Variants in TMTC2 observed in about 807,000 individuals in gnomAD.
The protein encoded by TMTC2 is transmembrane O-mannosyltransferase targeting cadherins 2.
In TMTC2, 43 loss-of-function variants were observed where a neutral mutation model predicts 82.4. That is an observed-to-expected ratio of 0.52 (90% CI 0.41 to 0.67). The LOEUF (loss-of-function observed/expected upper bound fraction) is 0.67. Among genes scored for constraint, TMTC2 ranks in the 30% least tolerant of loss-of-function variants. The pLI, the probability that TMTC2 is intolerant of heterozygous loss-of-function variation, is 0.00. For missense variants in TMTC2, 919 were observed against 1,012.4 expected (o/e 0.91, Z 1.25); for synonymous variants, 408 against 381.9 (o/e 1.07, Z -0.80).
At chr12:83,103,770 C>T (rs1039581178) in intron 11 of TMTC2, among the ~76,000 whole-genome samples, 1 of 152,216 alleles carries the variant, frequency 6.6e-6, no homozygotes, top group African/African-American at 2.4e-5. Flanking sequence ...AAAATCTTAA[C>T]TCATTCCAGC....
intron 1 of TMTC2, among the ~76,000 whole-genome samples, chr12:82,756,015 AAATAAGTTGAAGG>A (rs1264985422): frequency 3.3e-5 from 5 of 152,190 alleles, no homozygotes; most frequent in African/African-American, 1.2e-4. Flanking sequence ...GTACCTCATA[AAATAAGTTGAAGG>A]AACATTTCTT....
At chr12:82,731,064 C>T (rs1227512542) in intron 1 of TMTC2, among the ~76,000 whole-genome samples, 1 of 152,116 alleles carries the variant, frequency 6.6e-6, no homozygotes. Context: ...TTTGTAATTA[C>T]AGTTGGAGAA....
chr12:82,834,085 A>C (rs1278115255), intron 1 of TMTC2, among the ~76,000 whole-genome samples: 1 of 152,228 alleles, frequency 6.6e-6, no homozygotes, highest in Non-Finnish European at 1.5e-5. Context: ...TACTACTAGA[A>C]ATATAATTAG....
intron 11 of TMTC2, among the ~76,000 whole-genome samples, chr12:83,129,649 A>G (rs1885201662): frequency 1.3e-5 from 2 of 152,196 alleles, no homozygotes; most frequent in African/African-American, 2.4e-5. Flanking sequence ...GCTAGTAAAC[A>G]TGAAGCCAGT....
chr12:83,117,252 C>A (rs1209973881), intron 11 of TMTC2, among the ~76,000 whole-genome samples: 1 of 152,040 alleles, frequency 6.6e-6, no homozygotes, highest in Admixed American at 6.6e-5. Flanking sequence ...AAGAGGGAAC[C>A]CTCCCTAATT....
chr12:82,917,687 C>T (rs545952482), intron 3 of TMTC2, among the ~76,000 whole-genome samples: 5 of 148,832 alleles, frequency 3.4e-5, no homozygotes, highest in South Asian at 2.2e-4. Flanking sequence ...CTGCAAGCTC[C>T]GCCTCCAGGG....
intron 3 of TMTC2, among the ~76,000 whole-genome samples, chr12:82,928,134 A>G (rs1203421973): frequency 6.6e-6 from 1 of 152,084 alleles, no homozygotes; most frequent in Non-Finnish European, 1.5e-5. Flanking sequence ...TAAAATATTC[A>G]AAGGTATGTC....
chr12:82,784,153 T>G (rs1878051851), intron 1 of TMTC2, among the ~76,000 whole-genome samples: 1 of 152,000 alleles, frequency 6.6e-6, no homozygotes, highest in Admixed American at 6.6e-5. Flanking sequence ...ACACAAATAA[T>G]ACTTGAATAG....
chr12:82,834,201 C>T (rs1255309192), intron 1 of TMTC2, among the ~76,000 whole-genome samples: 1 of 152,122 alleles, frequency 6.6e-6, no homozygotes, highest in African/African-American at 2.4e-5. Flanking sequence ...ATTAGTAATA[C>T]AATTGTTACA....
At chr12:82,824,918 G>A (rs574088671) in intron 1 of TMTC2, among the ~76,000 whole-genome samples, 161 of 152,064 alleles carry the variant, frequency 1.1e-3, no homozygotes, top group African/African-American at 3.6e-3. Flanking sequence ...GTGAAACCCC[G>A]TATCTACTAA....
intron 2 of TMTC2, among the ~76,000 whole-genome samples, chr12:82,872,120 A>C (rs1431941299): frequency 6.7e-6 from 1 of 148,734 alleles, no homozygotes; most frequent in African/African-American, 2.5e-5. Flanking sequence ...TGGATGTGTG[A>C]GTGTGTCTAG....
At chr12:83,004,014 C>T (rs1796205) in intron 8 of TMTC2, among the ~76,000 whole-genome samples, 133,831 of 152,162 alleles carry the variant, frequency 0.88, 58,968 homozygotes, top group South Asian at 0.96. Flanking sequence ...CAGTGAATTG[C>T]AGTTTTGATC....
chr12:82,928,228 G>A (rs760089429), intron 3 of TMTC2, among the ~76,000 whole-genome samples: 1 of 151,686 alleles, frequency 6.6e-6, no homozygotes, highest in Non-Finnish European at 1.5e-5. Context: ...ATTTCCTGGT[G>A]CTTAAATTAA....
intron 11 of TMTC2, among the ~76,000 whole-genome samples, chr12:83,110,176 T>G (rs1884552164): frequency 6.6e-6 from 1 of 152,174 alleles, no homozygotes; most frequent in Non-Finnish European, 1.5e-5. Context: ...TACTTTTCCT[T>G]CTGTTATTCT....
chr12:83,076,780 G>C (rs977605886), intron 11 of TMTC2, among the ~76,000 whole-genome samples: 20 of 152,234 alleles, frequency 1.3e-4, no homozygotes, highest in Middle Eastern at 3.4e-3. Context: ...TCTCCCTCCT[G>C]CTTCTAATTC....
chr12:82,984,308 G>C (rs1243564776), intron 7 of TMTC2, among the ~76,000 whole-genome samples: 1 of 152,118 alleles, frequency 6.6e-6, no homozygotes, highest in Non-Finnish European at 1.5e-5. Context: ...ATATGTGTGA[G>C]TGGGTAAAAA....
chr12:82,899,438 C>T (rs1471331856), intron 3 of TMTC2, among the ~76,000 whole-genome samples: 2 of 151,334 alleles, frequency 1.3e-5, no homozygotes, highest in Middle Eastern at 3.2e-3. Flanking sequence ...AAAAATACAT[C>T]CAGAGCTTGG....
intron 1 of TMTC2, among the ~76,000 whole-genome samples, chr12:82,844,068 C>T (rs182842756): frequency 3.3e-5 from 5 of 152,310 alleles, no homozygotes; most frequent in East Asian, 1.9e-4. Flanking sequence ...CCCAAGACTT[C>T]GTTTCCTAGA....
intron 4 of TMTC2, among the ~76,000 whole-genome samples, chr12:82,954,938 T>C (rs1877536842): frequency 6.6e-6 from 1 of 152,242 alleles, no homozygotes; most frequent in Admixed American, 6.5e-5. Context: ...TAGGTTAGAC[T>C]TTTTAATGAA....
Sources: gnomAD v4.1 joint callset for allele counts (sites outside exome capture counted in the v4.1 genomes callset) on GRCh38, gnomAD v4.1.1 for gene constraint, MANE v1.5 for transcripts, NCBI Gene and HGNC (gene_info 2026-07-23, HGNC 2026-07-21) for gene names.